TIAM1: variants seen among roughly 807,000 people sequenced by gnomAD.
TIAM1 encodes the protein rho guanine nucleotide exchange factor TIAM1.
Under a neutral mutation model 163.5 loss-of-function variants are expected in TIAM1, and 65 were observed. That is an observed-to-expected ratio of 0.40 (90% CI 0.33 to 0.49). The LOEUF is 0.49. Among genes scored for constraint, TIAM1 ranks in the 20% least tolerant of loss-of-function variants. TIAM1 has a pLI of 0.77. For missense variants in TIAM1, 1,789 were observed against 2,044.7 expected (o/e 0.87, Z 2.41); for synonymous variants, 833 against 810.1 (o/e 1.03, Z -0.48).
chr21:31,193,224 G>A (rs1024475385), intron 13 of TIAM1, among the ~76,000 whole-genome samples: 9 of 152,202 alleles, frequency 5.9e-5, no homozygotes, highest in Non-Finnish European at 8.8e-5. Context: ...CGAAAGGCCC[G>A]CTTACAAATT....
chr21:31,424,018 G>A (rs2043693017), intron 2 of TIAM1, among the ~76,000 whole-genome samples: 1 of 152,182 alleles, frequency 6.6e-6, no homozygotes, highest in South Asian at 2.1e-4. Context: ...TGCACGGTGT[G>A]TGAATTATAT....
chr21:31,164,079 G>A (rs1489736350), intron 16 of TIAM1, among the ~76,000 whole-genome samples: 1 of 152,146 alleles, frequency 6.6e-6, no homozygotes, highest in Non-Finnish European at 1.5e-5. Context: ...TTATGAAGTG[G>A]AATAGAAGCA....
At chr21:31,368,543 C>A (rs182522226) in intron 2 of TIAM1, among the ~76,000 whole-genome samples, 1 of 152,066 alleles carries the variant, frequency 6.6e-6, no homozygotes. Flanking sequence ...CTAAAAATAG[C>A]GACCAAACTT....
chr21:31,457,033 G>A (rs2045131271), intron 2 of TIAM1, among the ~76,000 whole-genome samples: 1 of 152,022 alleles, frequency 6.6e-6, no homozygotes, highest in African/African-American at 2.4e-5. Context: ...TCCTTTTCCA[G>A]TTCAACATCT....
intron 1 of TIAM1, among the ~76,000 whole-genome samples, chr21:31,485,834 G>T (rs1054512522): frequency 3.9e-5 from 6 of 152,164 alleles, no homozygotes; most frequent in Non-Finnish European, 5.9e-5. Context: ...TGAGGGGTAG[G>T]TGCTACTAAC....
intron 1 of TIAM1, among the ~76,000 whole-genome samples, chr21:31,542,521 C>A (rs907474511): frequency 1.3e-5 from 2 of 152,152 alleles, no homozygotes; most frequent in African/African-American, 4.8e-5. Context: ...GGGAACTCAG[C>A]TTCTCTCTAT....
At chr21:31,140,893 A>G (rs1462150136) in intron 22 of TIAM1, among the ~76,000 whole-genome samples, 1 of 152,212 alleles carries the variant, frequency 6.6e-6, no homozygotes, top group Non-Finnish European at 1.5e-5. Context: ...CAGGGTGAGG[A>G]GCTGAACATC....
In TIAM1 at chr21:31,453,688, CAGTAAATAAATAAATAAAT is replaced by C. The variant is rs1383813119; in HGVS notation, c.-369+10276_-369+10294del. 1.4e-4 allele frequency among the ~76,000 whole-genome samples: 20 copies of C among 145,022 alleles called. 1 individual carries two copies. Among genetic ancestry groups the C allele is most frequent in the Middle Eastern group, 3.5e-3 (1 of 284 alleles). ...GGGCAATAGAGCGAGACTCCATCTC[CAGTAAATAAATAAATAAAT>C]AAATAAATAAATAAATAAATAAATA... On this transcript the variant is annotated intron_variant, in intron 2 of 28. Coordinates refer to the TIAM1 transcript ENST00000286827.
chr21:31,216,438 C>T (rs897051871), intron 9 of TIAM1, among the ~76,000 whole-genome samples: 6 of 152,090 alleles, frequency 3.9e-5, no homozygotes, highest in Admixed American at 1.3e-4. Flanking sequence ...TTCCAGCCAC[C>T]GCAGCCCACA....
chr21:31,237,294 C>G lies in TIAM1; in HGVS notation c.1584+8194G>C, dbSNP rs1275834914. Among the ~76,000 whole-genome samples the G allele has an allele frequency of 4.6e-5, 7 of 152,284 alleles. No homozygotes were observed. The South Asian group carries it at 1.0e-3, about 23-fold the overall frequency. Reference sequence around the variant, plus strand: ...ATGAAAGATGATTTACAGGTTTTTCCCTAACCTGGCTGCCCTTGTCCAGGG... The same window carrying G: ...ATGAAAGATGATTTACAGGTTTTTCGCTAACCTGGCTGCCCTTGTCCAGGG... On this transcript the variant is annotated intron_variant, in intron 6 of 27. Transcript: ENST00000541036.
intron 6 of TIAM1, among the ~76,000 whole-genome samples, chr21:31,242,250 T>C (rs937613290): frequency 6.6e-6 from 1 of 152,202 alleles, no homozygotes; most frequent in African/African-American, 2.4e-5. Context: ...CCAGGCACAG[T>C]GGCTCATGCC....
At chr21:31,252,736 G>A (rs1055391266) in intron 4 of TIAM1, among the ~76,000 whole-genome samples, 2 of 152,148 alleles carry the variant, frequency 1.3e-5, no homozygotes, top group South Asian at 2.1e-4. Context: ...CTAGTGCACC[G>A]CCTCACCCAC....
intron 1 of TIAM1, among the ~76,000 whole-genome samples, chr21:31,526,632 A>G (rs1045472747): frequency 7.9e-5 from 12 of 152,172 alleles, no homozygotes; most frequent in Non-Finnish European, 1.6e-4. Flanking sequence ...CTGGGGTCAC[A>G]TATCTCATCA....
rs538247037 is a variant in TIAM1 at position 31,522,546 on chromosome 21, ATAAT to A, written c.-422+36377_-422+36380del. 8.7e-4 allele frequency among the ~76,000 whole-genome samples: 132 copies of A among 151,936 alleles called. 1 individual carries two copies. The highest frequency in any genetic ancestry group is 3.1e-3 in the African/African-American group (127 of 41,326). Reference sequence around the variant, plus strand: ...ACAAAAACAAAAACAAAAAATAATAATAATTAATCATGTCCCCACCATGAAACTA... The same window carrying A: ...ACAAAAACAAAAACAAAAAATAATAATAATCATGTCCCCACCATGAAACTA... On this transcript the variant is annotated intron_variant, in intron 1 of 28. Transcript: ENST00000286827.
chr21:31,200,915 A>C (rs1338843226), intron 12 of TIAM1, among the ~76,000 whole-genome samples: 1 of 152,204 alleles, frequency 6.6e-6, no homozygotes, highest in East Asian at 1.9e-4. Context: ...GCCAAGAAAT[A>C]ATACCATGGT....
At chr21:31,310,443 C>T (rs1410574879) in intron 2 of TIAM1, among the ~76,000 whole-genome samples, 1 of 152,170 alleles carries the variant, frequency 6.6e-6, no homozygotes. Context: ...CACTGAAATT[C>T]CGGGTTGTGC....
chr21:31,144,210 C>T (rs1349857734), intron 20 of TIAM1, among the ~76,000 whole-genome samples: 1 of 152,168 alleles, frequency 6.6e-6, no homozygotes, highest in African/African-American at 2.4e-5. Flanking sequence ...CCGACTGGCC[C>T]CATGTGACAG....
intron 2 of TIAM1, among the ~76,000 whole-genome samples, chr21:31,305,929 A>T (rs1353826458): frequency 6.6e-6 from 1 of 152,198 alleles, no homozygotes; most frequent in Non-Finnish European, 1.5e-5. Flanking sequence ...TGGTGTCAGA[A>T]GCCCCAAAGG....
intron 2 of TIAM1, among the ~76,000 whole-genome samples, chr21:31,329,191 A>G (rs2075594883): frequency 6.6e-6 from 1 of 152,144 alleles, no homozygotes; most frequent in African/African-American, 2.4e-5. Flanking sequence ...ATCTCTTGAT[A>G]TTGTCTGTAT....
Sources: gnomAD v4.1 joint callset for allele counts (sites outside exome capture counted in the v4.1 genomes callset) on GRCh38, gnomAD v4.1.1 for gene constraint, MANE v1.5 for transcripts, NCBI Gene and HGNC (gene_info 2026-07-23, HGNC 2026-07-21) for gene names.